PLEKHA5: variants seen among roughly 807,000 people sequenced by gnomAD.
The protein encoded by PLEKHA5 is pleckstrin homology domain-containing family A member 5.
A neutral mutation model predicts 181.9 loss-of-function variants in PLEKHA5; 55 were observed. The observed-to-expected ratio is 0.30, with a 90% CI of 0.24 to 0.38. The LOEUF (loss-of-function observed/expected upper bound fraction) is 0.38, where lower values mean the gene tolerates loss of function less well. Among genes scored for constraint, PLEKHA5 ranks in the 10% least tolerant of loss-of-function variants. The pLI is 1.00. For synonymous variants in PLEKHA5, 535 were observed against 529.4 expected (o/e 1.01, Z -0.15); for missense variants, 1,432 against 1,549.5 (o/e 0.92, Z 1.27).
At chr12:19,221,691 A>G (rs187199156) in intron 3 of PLEKHA5, among the ~76,000 whole-genome samples, 3 of 152,300 alleles carry the variant, frequency 2.0e-5, no homozygotes, top group African/African-American at 7.2e-5. Flanking sequence ...GCCTATTACA[A>G]ATGTATGACA....
intron 1 of PLEKHA5, 50 bp downstream of exon 1, chr12:19,129,938 G>A (rs2032868999): frequency 6.5e-7 from 1 of 1,536,510 alleles, no homozygotes. Context: ...GAGGGCAGGA[G>A]GCGGGCGGCT....
rs1400119776 is a variant in PLEKHA5 at position 19,130,209 on chromosome 12, G to T, written c.169+79G>T. Reference sequence around the variant, plus strand: ...CGGGCCGCCCGGCTCCCCGCAACCTGCCCCGCGCCGCGGGCCCCGGGAGGC... The same window carrying T: ...CGGGCCGCCCGGCTCCCCGCAACCTTCCCCGCGCCGCGGGCCCCGGGAGGC... On this transcript the variant is annotated intron_variant, in intron 2 of 31. Coordinates refer to ENST00000429027, the MANE Select transcript of PLEKHA5 (RefSeq NM_001256470.2). The surrounding 1 kb of genome is among the most constrained non-coding windows in gnomAD (Gnocchi z 4.5). The T allele has an allele frequency of 1.2e-6, 1 of 808,348 alleles. No homozygotes were observed. The highest frequency in any genetic ancestry group is 1.8e-5 in the African/African-American group (1 of 54,942). The allele number at this position is 808,348 out of a possible 1,614,324, so 50.1% of individuals were successfully genotyped here. A position where few individuals can be genotyped will look rare whatever the true frequency, so the allele number is the denominator to read the frequency against.
chr12:19,281,768 T>TGTG (rs142909124), intron 11 of PLEKHA5, among the ~76,000 whole-genome samples: 1 of 149,506 alleles, frequency 6.7e-6, no homozygotes, highest in Non-Finnish European at 1.5e-5. Context: ...CAAAGTGGTT[T>TGTG]TTGTTGTTGT....
intron 3 of PLEKHA5, among the ~76,000 whole-genome samples, chr12:19,167,999 G>T (rs778621407): frequency 2.0e-5 from 3 of 152,118 alleles, no homozygotes; most frequent in Non-Finnish European, 2.9e-5. Context: ...TAGTCTGAAA[G>T]TATGATATGT....
chr12:19,268,449 T>G (rs1329584967), intron 8 of PLEKHA5, among the ~76,000 whole-genome samples: 3 of 152,240 alleles, frequency 2.0e-5, no homozygotes, highest in Non-Finnish European at 4.4e-5. Flanking sequence ...TGGTTCAGTT[T>G]TAATTTTATC....
At chr12:19,234,078 T>A (rs1246178336) in intron 3 of PLEKHA5, among the ~76,000 whole-genome samples, 1 of 152,216 alleles carries the variant, frequency 6.6e-6, no homozygotes, top group Non-Finnish European at 1.5e-5. Context: ...CCTATTCTTT[T>A]CCTTAAATGA....
chr12:19,341,877 A>G (rs764268095), intron 21 of PLEKHA5, among the ~76,000 whole-genome samples: 1 of 151,868 alleles, frequency 6.6e-6, no homozygotes, highest in African/African-American at 2.4e-5. Context: ...GACCACAGAC[A>G]TACACCACCC....
intron 20 of PLEKHA5, among the ~76,000 whole-genome samples, chr12:19,328,845 C>T (rs921588282): frequency 6.6e-6 from 1 of 152,060 alleles, no homozygotes; most frequent in Non-Finnish European, 1.5e-5. Flanking sequence ...TGCCTGATTG[C>T]TCTGACTAGG....
At chr12:19,345,617 C>T (rs1319542138) in intron 22 of PLEKHA5, among the ~76,000 whole-genome samples, 1 of 151,408 alleles carries the variant, frequency 6.6e-6, no homozygotes, top group East Asian at 2.0e-4. Flanking sequence ...TAAAAAAAAT[C>T]AGTTGGGCGT....
intron 3 of PLEKHA5, among the ~76,000 whole-genome samples, chr12:19,217,810 G>A (rs2058231001): frequency 6.6e-6 from 1 of 152,188 alleles, no homozygotes; most frequent in Non-Finnish European, 1.5e-5. Flanking sequence ...GAGGAGTTTG[G>A]CAGAAGGAGA....
intron 3 of PLEKHA5, among the ~76,000 whole-genome samples, chr12:19,226,591 G>A (rs1242620571): frequency 6.6e-6 from 1 of 152,094 alleles, no homozygotes; most frequent in Non-Finnish European, 1.5e-5. Context: ...CTGACTCTTG[G>A]ACTTCCAAAT....
chr12:19,183,079 A>G (rs2048979827), intron 3 of PLEKHA5, among the ~76,000 whole-genome samples: 1 of 152,232 alleles, frequency 6.6e-6, no homozygotes, highest in Non-Finnish European at 1.5e-5. Context: ...TAAACACCAA[A>G]ACATGGTTAA....
rs932927598 is a variant in PLEKHA5, at chr12:19,375,874, A to G, written c.*355A>G. 6.6e-6 allele frequency: 1 copy of G among 152,330 alleles called. No homozygotes were observed. The highest frequency in any genetic ancestry group is 2.4e-5 in the African/African-American group (1 of 41,380). The allele number at this position is 152,330 out of a possible 1,614,324, so 9.4% of individuals were successfully genotyped here. ...TTCTTAAGTCTAGGTGAATTTATAT[A>G]TATATTTTTTTGCTTTTCATTTTCT... On this transcript the variant is annotated 3_prime_UTR_variant, in exon 32 of 32. Transcript: ENST00000429027.
intron 20 of PLEKHA5, among the ~76,000 whole-genome samples, chr12:19,335,106 T>G (rs1483006037): frequency 6.8e-6 from 1 of 146,288 alleles, no homozygotes; most frequent in Non-Finnish European, 1.5e-5. Context: ...TTTGGCTCAC[T>G]GCAACCTCCG....
chr12:19,297,388 C>T (rs1158421151), intron 15 of PLEKHA5, among the ~76,000 whole-genome samples: 1 of 150,102 alleles, frequency 6.7e-6, no homozygotes, highest in African/African-American at 2.4e-5. Flanking sequence ...TTTGGGAGGC[C>T]GAGGCAGGTG....
At chr12:19,283,070 C>T (rs897627234) in intron 11 of PLEKHA5, among the ~76,000 whole-genome samples, 3 of 140,158 alleles carry the variant, frequency 2.1e-5, no homozygotes, top group African/African-American at 7.9e-5. Context: ...TCGCTTGAGC[C>T]CAGGAGGCGG....
At chr12:19,271,662 C>T (rs978650134) in intron 10 of PLEKHA5, among the ~76,000 whole-genome samples, 1 of 151,978 alleles carries the variant, frequency 6.6e-6, no homozygotes, top group Non-Finnish European at 1.5e-5. Context: ...CATGTTTCTA[C>T]TTTATTTTAT....
At chr12:19,282,667 C>A (rs2076430903) in intron 11 of PLEKHA5, among the ~76,000 whole-genome samples, 1 of 152,030 alleles carries the variant, frequency 6.6e-6, no homozygotes, top group Non-Finnish European at 1.5e-5. Context: ...TATATAAAAA[C>A]AAATAAAATA....
intron 3 of PLEKHA5, among the ~76,000 whole-genome samples, chr12:19,223,536 G>A (rs2059287263): frequency 6.6e-6 from 1 of 151,926 alleles, no homozygotes; most frequent in South Asian, 2.1e-4. Flanking sequence ...TCTTTGTACA[G>A]GTTTAATTTG....
Sources: gnomAD v4.1 joint callset for allele counts (sites outside exome capture counted in the v4.1 genomes callset) on GRCh38, gnomAD v4.1.1 for gene constraint, Gnocchi (gnomAD v3.1) non-coding constraint, MANE v1.5 for transcripts, NCBI Gene and HGNC (gene_info 2026-07-23, HGNC 2026-07-21) for gene names.